The following DCAF12 variants were observed in gnomAD, a reference collection of about 807,000 sequenced individuals.
The protein encoded by DCAF12 is DDB1 and CUL4 associated factor 12, also known as DDB1- and CUL4-associated factor 12.
DCAF12 carries 28 observed loss-of-function variants against 52.8 expected under a neutral mutation model. The ratio of observed to expected loss-of-function variants is 0.53; its 90% CI spans 0.39 to 0.73. The LOEUF (loss-of-function observed/expected upper bound fraction) is 0.73. Among genes scored for constraint, DCAF12 ranks in the 30% least tolerant of loss-of-function variants. The pLI, the probability that DCAF12 is intolerant of heterozygous loss-of-function variation, is 0.00. For missense variants in DCAF12, 425 were observed against 552.2 expected (o/e 0.77, Z 2.31); for synonymous variants, 196 against 215.5 (o/e 0.91, Z 0.79).
chr9:34,126,519 G>A lies in DCAF12; in HGVS notation c.-88C>T. The A allele has an allele frequency of 4.1e-6, 6 of 1,450,762 alleles. No homozygotes were observed. The highest frequency in any genetic ancestry group is 5.5e-6 in the Non-Finnish European group (6 of 1,090,682). The allele number at this position is 1,450,762 out of a possible 1,614,324, so 89.9% of individuals were successfully genotyped here. On this transcript the variant is annotated 5_prime_UTR_variant, in exon 1 of 9. Transcript: ENST00000361264. ...CGGCGGGTCATATACTGGGCCCCGG[G>A]GCCGCGCACCTTAGTGCGCCCGGCC...
intron 2 of DCAF12, among the ~76,000 whole-genome samples, chr9:34,108,243 T>C (rs1442563638): frequency 1.3e-5 from 2 of 152,160 alleles, no homozygotes; most frequent in African/African-American, 2.4e-5. Flanking sequence ...AGAGTCAAAC[T>C]CTTCAGTGAT....
chr9:34,093,255 G>A, intron 7 of DCAF12, 31 bp downstream of exon 7: 2 of 1,613,426 alleles, frequency 1.2e-6, no homozygotes, highest in South Asian at 1.1e-5. Flanking sequence ...CAGTGCAGCT[G>A]TAGGCCTGAG....
intron 7 of DCAF12, among the ~76,000 whole-genome samples, chr9:34,091,831 G>A (rs1828650113): frequency 6.6e-6 from 1 of 152,068 alleles, no homozygotes; most frequent in Admixed American, 6.6e-5. Flanking sequence ...GGGATAAAGT[G>A]AGATAAAGAA....
rs537150077 is a variant in DCAF12 at position 34,106,950 on chromosome 9, TTAC to T, written c.540+406_540+408del. 5.9e-3 allele frequency among the ~76,000 whole-genome samples: 896 copies of T among 152,330 alleles called. 6 individuals are homozygous for T. Among genetic ancestry groups the T allele is most frequent in the African/African-American group, 0.02 (850 of 41,580 alleles). ...ATGGCACTTATCACACTCTGATGTA[TTAC>T]TGGTAAATATTAGTTTATATGGTTT... On this transcript the variant is annotated intron_variant, in intron 3 of 8. Transcript: ENST00000361264.
chr9:34,095,544 T>C (rs1003735384), intron 6 of DCAF12, among the ~76,000 whole-genome samples: 1 of 151,710 alleles, frequency 6.6e-6, no homozygotes, highest in South Asian at 2.1e-4. Context: ...TATGCCACAA[T>C]GTATGGCTAA....
At chr9:34,093,517 C>A in intron 6 of DCAF12, 69 bp from the exon 7 acceptor site, 1 of 1,549,046 alleles carries the variant, frequency 6.5e-7, no homozygotes, top group Non-Finnish European at 8.9e-7. Context: ...TGTTTCTGGA[C>A]TCCCACCTTG....
At chr9:34,112,142 CAA>C (rs796997762) in intron 2 of DCAF12, among the ~76,000 whole-genome samples, 24 of 115,882 alleles carry the variant, frequency 2.1e-4, no homozygotes, top group Non-Finnish European at 1.8e-4. Flanking sequence ...GACTCCAACT[CAA>C]AAAAAAAAAA....
At chr9:34,121,030 C>T (rs1460868645) in intron 2 of DCAF12, among the ~76,000 whole-genome samples, 8 of 152,074 alleles carry the variant, frequency 5.3e-5, no homozygotes, top group African/African-American at 9.6e-5. Flanking sequence ...GGCATGTGCC[C>T]GTACTCCCAG....
rs1828589710 is a variant in DCAF12 at position 34,088,239 on chromosome 9, T to G, written c.*111A>C. The G allele has an allele frequency of 8.1e-7, 1 of 1,231,760 alleles. No homozygotes were observed. The highest frequency in any genetic ancestry group is 1.8e-5 in the South Asian group (1 of 56,284). 76.3% of individuals were successfully genotyped at this position (1,231,760 alleles called of 1,614,324 possible). On this transcript the variant is annotated 3_prime_UTR_variant, in exon 9 of 9. Transcript: ENST00000361264. Reference sequence around the variant, plus strand: ...TGCCTAAACTATAGGCAAACTTTGGTGTTCCCACTAAAACACAAGAGCCTC... The same window carrying G: ...TGCCTAAACTATAGGCAAACTTTGGGGTTCCCACTAAAACACAAGAGCCTC...
chr9:34,105,543 G>A (rs1459592571), intron 4 of DCAF12, among the ~76,000 whole-genome samples: 2 of 152,128 alleles, frequency 1.3e-5, no homozygotes, highest in Admixed American at 6.6e-5. Flanking sequence ...CTACCTGGGA[G>A]CCTGAGGCAG....
At chr9:34,114,759 A>G (rs895511563) in intron 2 of DCAF12, among the ~76,000 whole-genome samples, 21 of 152,112 alleles carry the variant, frequency 1.4e-4, no homozygotes, top group African/African-American at 5.1e-4. Context: ...GCATGCATTC[A>G]TGTGTATCTA....
rs1828862499 is a variant in DCAF12, at chr9:34,103,579, C to T, written c.601+2855G>A. Among the ~76,000 whole-genome samples the T allele has an allele frequency of 2.0e-5, 3 of 152,084 alleles. No individual in the cohort carries two copies. In the South Asian group the frequency reaches 6.2e-4, roughly 32 times the overall value. ...TCAAGAAATTATGTTTTAGGCCGGG[C>T]ATAGTGGCTCATGCCTGTAATCCCA... On this transcript the variant is annotated intron_variant, in intron 4 of 8. Transcript: ENST00000361264.
At chr9:34,096,036 C>CA (rs1169044901) in intron 6 of DCAF12, 1 of 152,126 alleles carries the variant, frequency 6.6e-6, no homozygotes, top group East Asian at 1.9e-4. Context: ...AAAACATGCC[C>CA]AGGCCTTTGG....
chr9:34,120,256 T>C (rs1829150859), intron 2 of DCAF12, among the ~76,000 whole-genome samples: 1 of 130,806 alleles, frequency 7.6e-6, no homozygotes, highest in Non-Finnish European at 1.6e-5. Flanking sequence ...TGGCATGTGA[T>C]ATAGTCCCAG....
chr9:34,088,350 T>G lies in DCAF12; in HGVS notation c.1362A>C (p.Ter454TyrextTer1). Reference protein sequence around the residue: ...LHGNYAGLWS* With the variant: ...LHGNYAGLWSY ...AATCTCTGCATTTGGGGAGTTGTCA[T>G]TAACTCCAGAGCCCAGCATAGTTTC... Residue 454 changes from the stop codon to tyrosine, a stop_lost, in exon 9 of 9, where the codon TAA (stop) becomes TAC (tyrosine). Transcript: ENST00000361264. 1 of 1,552,024 alleles carries G rather than the reference T, an allele frequency of 6.4e-7. No homozygotes were observed. The highest frequency in any genetic ancestry group is 8.7e-7 in the Non-Finnish European group (1 of 1,153,798).
intron 2 of DCAF12, among the ~76,000 whole-genome samples, chr9:34,123,751 A>G (rs1168422601): frequency 1.3e-5 from 2 of 152,122 alleles, no homozygotes; most frequent in African/African-American, 4.8e-5. Flanking sequence ...GCTAAACACT[A>G]TGATGCACGT....
chr9:34,094,531 C>CTTT (rs903364873), intron 6 of DCAF12, among the ~76,000 whole-genome samples: 5 of 141,156 alleles, frequency 3.5e-5, no homozygotes, highest in African/African-American at 5.2e-5. Context: ...ATTTCTCCAG[C>CTTT]TTTTTTTTTT....
At chr9:34,115,320 G>A (rs762477420) in intron 2 of DCAF12, among the ~76,000 whole-genome samples, 5 of 151,842 alleles carry the variant, frequency 3.3e-5, no homozygotes, top group South Asian at 2.1e-4. Context: ...GGCTAGGCGC[G>A]GTGGCTCACA....
rs767476544 is a variant in DCAF12 at position 34,089,395 on chromosome 9, G to A, written c.1203+17C>T. The A allele has an allele frequency of 5.0e-6, 8 of 1,605,968 alleles. No homozygotes were observed. The South Asian group carries it at 5.5e-5, about 11-fold the overall frequency. On this transcript the variant is annotated intron_variant, in intron 8 of 8. Transcript: ENST00000361264. ...CTGTTACTGTGTAGCAGTCATCTCA[G>A]GTAGGGGCTTACGCACCAGCCAGCC...
Sources: gnomAD v4.1 joint callset for allele counts (sites outside exome capture counted in the v4.1 genomes callset) on GRCh38, gnomAD v4.1.1 for gene constraint, MANE v1.5 for transcripts, NCBI Gene and HGNC (gene_info 2026-07-23, HGNC 2026-07-21) for gene names.